Variants in ASXL1 observed in about 807,000 individuals in gnomAD.
ASXL1 encodes the protein polycomb group protein ASXL1.
ASXL1 carries 65 observed loss-of-function variants against 89.1 expected under a neutral mutation model. The observed-to-expected ratio is 0.73, with a 90% CI of 0.60 to 0.90. ASXL1 has a LOEUF of 0.90. Among genes scored for constraint, ASXL1 ranks in the 40% least tolerant of loss-of-function variants. ASXL1 has a pLI of 0.00. For synonymous variants in ASXL1, 739 were observed against 746.9 expected (o/e 0.99, Z 0.17); for missense variants, 1,786 against 1,942.9 (o/e 0.92, Z 1.52).
chr20:32,373,738 G>C (rs2048336250), intron 4 of ASXL1, among the ~76,000 whole-genome samples: 1 of 151,850 alleles, frequency 6.6e-6, no homozygotes, highest in South Asian at 2.1e-4. Context: ...ATGGTGGTGG[G>C]TGCCTGTAAT....
rs2048254049 is a variant in ASXL1 at position 32,369,101 on chromosome 20, G to T, written c.230G>T (p.Arg77Leu). The T allele has an allele frequency of 6.2e-7, 1 of 1,612,802 alleles. No individual in the cohort carries two copies. The highest frequency in any genetic ancestry group is 8.5e-7 in the Non-Finnish European group (1 of 1,178,964). ...GEGLFYKLPG[R>L]ISLFTLKKDA... ...GGGTTGTTTTATAAACTGCCTGGCC[G>T]AATCAGCCTTTTCACGCTCAAGGTA... The change falls in exon 4 of 13, where the codon CGA becomes CTA. Residue 77 changes from arginine (R) to leucine (L), a missense_variant. Arg to Leu is a moderately radical substitution (Grantham distance 102, BLOSUM62 -2). Transcript: ENST00000375687.
intron 4 of ASXL1, among the ~76,000 whole-genome samples, chr20:32,385,728 C>T (rs1395712487): frequency 6.6e-6 from 1 of 152,126 alleles, no homozygotes; most frequent in East Asian, 1.9e-4. Context: ...TTTCACTTCG[C>T]CCCCTTACGA....
At chr20:32,433,996 T>C (rs911651191) in intron 12 of ASXL1, 79 bp downstream of exon 12, 1 of 1,570,200 alleles carries the variant, frequency 6.4e-7, no homozygotes, top group African/African-American at 1.4e-5. Context: ...CCCTTAACTC[T>C]GGGGCCCTGA....
rs771064807 is a variant in ASXL1, at chr20:32,433,882, C to T, written c.1684C>T (p.Pro562Ser). 6.2e-7 allele frequency: 1 copy of T among 1,613,666 alleles called. No homozygotes were observed. The change falls in exon 12 of 13, where the codon CCC (proline) becomes TCC (serine). Residue 562 changes from proline (P) to serine (S), a missense_variant. Coordinates refer to ENST00000375687, the MANE Select transcript of ASXL1 (RefSeq NM_015338.6). Reference sequence around the variant, plus strand: ...AAGTGTTCACACCGAAAAGCCACAGCCCACTAAAGAGGAGCCCAAAGTCCC... The same window carrying T: ...AAGTGTTCACACCGAAAAGCCACAGTCCACTAAAGAGGAGCCCAAAGTCCC... ...IESVHTEKPQPTKEEPKVPPI... is the reference protein window; with the variant it reads ...IESVHTEKPQSTKEEPKVPPI...
At chr20:32,395,499 G>A (rs944228849) in intron 4 of ASXL1, among the ~76,000 whole-genome samples, 4 of 151,964 alleles carry the variant, frequency 2.6e-5, no homozygotes, top group Non-Finnish European at 4.4e-5. Flanking sequence ...TGTAGTTTGC[G>A]TCATATTTCT....
chr20:32,408,862 T>C (rs1486010156), intron 4 of ASXL1, among the ~76,000 whole-genome samples: 5 of 152,226 alleles, frequency 3.3e-5, no homozygotes, highest in Admixed American at 2.6e-4. Flanking sequence ...GAACATGGTA[T>C]AATCTCCAGT....
At chr20:32,408,645 C>G (rs1039180311) in intron 4 of ASXL1, among the ~76,000 whole-genome samples, 1 of 152,114 alleles carries the variant, frequency 6.6e-6, no homozygotes, top group South Asian at 2.1e-4. Context: ...CTAAAACTTC[C>G]GGGCTCAAGC....
chr20:32,398,602 T>A (rs767528555), intron 4 of ASXL1, among the ~76,000 whole-genome samples: 107 of 64,676 alleles, frequency 1.7e-3, no homozygotes, highest in Non-Finnish European at 3.6e-3. Context: ...TTTTTTTGTT[T>A]GTTTTTTTTT....
intron 4 of ASXL1, chr20:32,371,858 A>G: frequency 2.3e-6 from 1 of 435,730 alleles, no homozygotes; most frequent in East Asian, 7.4e-5. Context: ...TTCACAAAGC[A>G]CTGGGATGGA....
At chr20:32,366,270 A>G in intron 1 of ASXL1, 114 bp from the exon 2 acceptor site, 1 of 914,940 alleles carries the variant, frequency 1.1e-6, no homozygotes, top group Non-Finnish European at 1.8e-6. Context: ...TAACTGTGGA[A>G]AAACTAAGTT....
intron 4 of ASXL1, among the ~76,000 whole-genome samples, chr20:32,374,357 C>T (rs1316607714): frequency 6.6e-6 from 1 of 151,996 alleles, no homozygotes; most frequent in Non-Finnish European, 1.5e-5. Context: ...GCAGTGGCAC[C>T]ATCATAGCTC....
In ASXL1 at chr20:32,429,993, C is replaced by A; in HGVS notation, c.658C>A (p.Gln220Lys). ...LALGSAAIRGQAEVTQDPAPL... is the reference protein window; with the variant it reads ...LALGSAAIRGKAEVTQDPAPL... ...CCTGGGCAGCGCTGCTATTCGTGGC[C>A]AGGCCGAGGTCACCCAGGACCCTGC... The change falls in exon 8 of 13, where the codon CAG (glutamine) becomes AAG (lysine). Residue 220 changes from glutamine to lysine, a missense_variant. Transcript: ENST00000375687. This position sits in a 1 kb window ranked among gnomAD's most constrained non-coding sequence, Gnocchi z 4.9. 6.2e-7 allele frequency: 1 copy of A among 1,608,702 alleles called. No individual in the cohort carries two copies. The highest frequency in any genetic ancestry group is 8.5e-7 in the Non-Finnish European group (1 of 1,179,934).
chr20:32,436,683 C>T lies in ASXL1; in HGVS notation c.3971C>T (p.Pro1324Leu). Residue 1324 changes from proline (P) to leucine (L), a missense_variant, in exon 13 of 13, where the codon CCT becomes CTT. Coordinates refer to ENST00000375687, the MANE Select transcript of ASXL1 (RefSeq NM_015338.6). ...LQRPRPADPMPLPAEIPPVFP... is the reference protein window; with the variant it reads ...LQRPRPADPMLLPAEIPPVFP... ...CGCCCCAGGCCTGCGGACCCGATGC[C>T]TCTTCCTGCTGAGATCCCTCCAGTT... 16 of 1,614,046 alleles carry T rather than the reference C, an allele frequency of 9.9e-6. No individual in the cohort carries two copies. Among genetic ancestry groups the T allele is most frequent in the Non-Finnish European group, 1.4e-5 (16 of 1,180,050 alleles).
chr20:32,359,024 T>C, intron 1 of ASXL1, 192 bp downstream of exon 1: 3 of 607,222 alleles, frequency 4.9e-6, no homozygotes, highest in East Asian at 6.0e-5. Context: ...ATGTGGCGCC[T>C]TTTTCCGCTC....
intron 10 of ASXL1, 48 bp downstream of exon 10, chr20:32,431,727 T>A (rs2011521804): frequency 6.4e-6 from 10 of 1,568,572 alleles, no homozygotes; most frequent in Non-Finnish European, 8.7e-6. Flanking sequence ...ACCTGTCGTG[T>A]GGTGTTGCAT....
At chr20:32,432,082 A>T (rs2011533886) in intron 10 of ASXL1, among the ~76,000 whole-genome samples, 1 of 152,142 alleles carries the variant, frequency 6.6e-6, no homozygotes, top group Admixed American at 6.6e-5. Flanking sequence ...TTTTGTGGGG[A>T]AAGTGTTGAG....
chr20:32,426,434 A>G lies in ASXL1; in HGVS notation c.253-1694A>G, dbSNP rs1187610016. Among the ~76,000 whole-genome samples, 3 of 152,114 alleles carry G rather than the reference A, an allele frequency of 2.0e-5. No homozygotes were observed. In the East Asian group the frequency reaches 5.8e-4, roughly 29 times the overall value. Reference sequence around the variant, plus strand: ...AGATTAAATTTGTTTTATTATACCAAGAACATGGCAGTCAATAAGCATAAC... The same window carrying G: ...AGATTAAATTTGTTTTATTATACCAGGAACATGGCAGTCAATAAGCATAAC... On this transcript the variant is annotated intron_variant, in intron 4 of 12. Coordinates refer to ENST00000375687, the MANE Select transcript of ASXL1 (RefSeq NM_015338.6).
chr20:32,359,488 A>C, intron 1 of ASXL1: 1 of 657,646 alleles, frequency 1.5e-6, no homozygotes, highest in Non-Finnish European at 2.8e-6. Context: ...TCTGGGATAG[A>C]GCCTGGGAAT....
chr20:32,432,781 G>T (rs1359305927), intron 10 of ASXL1, 99 bp from the exon 11 acceptor site: 13 of 1,418,516 alleles, frequency 9.2e-6, no homozygotes, highest in Admixed American at 1.9e-5. Flanking sequence ...AGAGCCTTTA[G>T]AAGAGACGTG....
Sources: gnomAD v4.1 joint callset for allele counts (sites outside exome capture counted in the v4.1 genomes callset) on GRCh38, gnomAD v4.1.1 for gene constraint, Gnocchi (gnomAD v3.1) non-coding constraint, MANE v1.5 for transcripts, NCBI Gene and HGNC (gene_info 2026-07-23, HGNC 2026-07-21) for gene names.